TRIP6: variants seen among roughly 807,000 people sequenced by gnomAD.
TRIP6 encodes the protein thyroid receptor-interacting protein 6.
TRIP6 carries 33 observed loss-of-function variants against 51.9 expected under a neutral mutation model. The observed-to-expected ratio is 0.64, with a 90% CI of 0.48 to 0.85. TRIP6 has a LOEUF of 0.85. TRIP6 is among the 40% of genes least tolerant of loss of function. The probability of loss-of-function intolerance (pLI) is 0.00; values close to 1 mark genes in which losing one functional copy is unlikely to be tolerated. For missense variants in TRIP6, 661 were observed against 652.1 expected (o/e 1.01, Z -0.15); for synonymous variants, 255 against 275.8 (o/e 0.92, Z 0.75).
chr7:100,869,355 G>C (rs912493808), intron 4 of TRIP6, among the ~76,000 whole-genome samples: 1 of 151,380 alleles, frequency 6.6e-6, no homozygotes, highest in Non-Finnish European at 1.5e-5. Context: ...CATTGGGGCT[G>C]AGCGCGGTGG....
At chr7:100,873,049 C>T (rs550100207) in intron 8 of TRIP6, 123 bp from the exon 9 acceptor site, 81 of 1,362,324 alleles carry the variant, frequency 5.9e-5, no homozygotes, top group Non-Finnish European at 7.5e-5. Flanking sequence ...CAGGGTTTCA[C>T]CATATTGGCC....
rs1197161887 is a variant in TRIP6 at position 100,868,786 on chromosome 7, C to G, written c.655C>G (p.Pro219Ala). Residue 219 changes from proline to alanine, a missense_variant, in exon 4 of 9, where the codon CCA (proline) becomes GCA (alanine). Pro to Ala is a conservative substitution (Grantham distance 27, BLOSUM62 -1). Transcript: ENST00000200457. The stretch of plus-strand genomic sequence containing the variant: ...GCCTGGCTATAGGAGCCAGAGAGAG[C>G]CAGGGCCAGGGGCCAAAGAGGAAGC... ...WGPGYRSQRE[P>A]GPGAKEEAAG... is the part of the protein sequence containing the mutation. 1.3e-6 allele frequency: 2 copies of G among 1,526,728 alleles called. No individual in the cohort carries two copies. The highest frequency in any genetic ancestry group is 1.8e-6 in the Non-Finnish European group (2 of 1,141,854). The allele number at this position is 1,526,728 out of a possible 1,614,324, so 94.6% of individuals were successfully genotyped here.
rs780875256 is a variant in TRIP6 at position 100,870,413 on chromosome 7, C to T, written c.779C>T (p.Thr260Met). ...CCAGAGGATGAGCTGGATAGGCTGA[C>T]GAAGAAGCTGGTTCACGACATGAAC... Reference protein sequence around the residue: ...QPPEDELDRLTKKLVHDMNHP... With the variant: ...QPPEDELDRLMKKLVHDMNHP... The change falls in exon 5 of 9, where the codon ACG becomes ATG. Residue 260 changes from threonine (T) to methionine (M), a missense_variant. Thr to Met is a moderately conservative substitution (Grantham distance 81, BLOSUM62 -1). Coordinates refer to ENST00000200457, the MANE Select transcript of TRIP6 (RefSeq NM_003302.3). 25 of 1,612,684 alleles carry T rather than the reference C, an allele frequency of 1.6e-5. No homozygotes were observed. Among genetic ancestry groups the T allele is most frequent in the South Asian group, 1.2e-4 (11 of 91,010 alleles).
Position 100,873,423 on chromosome 7 carries a change from A to C in TRIP6, c.*120A>C. On this transcript the variant is annotated 3_prime_UTR_variant, in exon 9 of 9. Coordinates refer to ENST00000200457, the MANE Select transcript of TRIP6 (RefSeq NM_003302.3). ...AATGCTGTCTTCTCTTTCTCCAATC[A>C]AGAAATAATAATCCCTCGAGTTTAC... 1 of 1,386,724 alleles carries C rather than the reference A, an allele frequency of 7.2e-7. No homozygotes were observed. Among genetic ancestry groups the C allele is most frequent in the African/African-American group, 1.4e-5 (1 of 69,348 alleles). The allele number at this position is 1,386,724 out of a possible 1,614,324, so 85.9% of individuals were successfully genotyped here. A position where few individuals can be genotyped will look rare whatever the true frequency, so the allele number is the denominator to read the frequency against.
Position 100,867,816 on chromosome 7 carries a change from C to G in TRIP6, c.110-45C>G. On this transcript the variant is annotated intron_variant, in intron 1 of 8. Coordinates refer to ENST00000200457, the MANE Select transcript of TRIP6 (RefSeq NM_003302.3). The surrounding 1 kb of genome is among the most constrained non-coding windows in gnomAD (Gnocchi z 5.4). ...GTGGCTCCTCAAATATACACCCCTC[C>G]TGTCCTCCGCCACCCCACCTTTGAT... 1.3e-6 allele frequency: 2 copies of G among 1,531,458 alleles called. No homozygotes were observed. Among genetic ancestry groups the G allele is most frequent in the Non-Finnish European group, 1.7e-6 (2 of 1,147,764 alleles). The allele number at this position is 1,531,458 out of a possible 1,614,324, so 94.9% of individuals were successfully genotyped here. A position where few individuals can be genotyped will look rare whatever the true frequency, so the allele number is the denominator to read the frequency against.
At chr7:100,869,011 C>G in intron 4 of TRIP6, 145 bp downstream of exon 4, 2 of 1,104,224 alleles carry the variant, frequency 1.8e-6, no homozygotes, top group South Asian at 3.0e-5. Context: ...GCAGTGGTGC[C>G]ATCTTGGCTC....
rs139186405 is a variant in TRIP6, at chr7:100,872,324, C to T, written c.1179-300C>T. Among the ~76,000 whole-genome samples the T allele has an allele frequency of 2.6e-4, 39 of 152,072 alleles. No individual in the cohort carries two copies. The East Asian group carries it at 7.4e-3, about 29-fold the overall frequency. ...CAGGGATAGCAGGCGTAAGCCACTG[C>T]ACCCAGTCTTCTTCTTTGTATTTTA... On this transcript the variant is annotated intron_variant, in intron 7 of 8. Coordinates refer to ENST00000200457, the MANE Select transcript of TRIP6 (RefSeq NM_003302.3).
intron 4 of TRIP6, 45 bp from the exon 5 acceptor site, chr7:100,870,325 G>A (rs1815240855): frequency 1.9e-6 from 3 of 1,562,934 alleles, no homozygotes; most frequent in Non-Finnish European, 2.6e-6. Context: ...TGGTATTACA[G>A]CATCAGGAGC....
chr7:100,872,581 A>G, intron 7 of TRIP6, 43 bp from the exon 8 acceptor site: 1 of 1,610,878 alleles, frequency 6.2e-7, no homozygotes. Context: ...GGTGCCCTGC[A>G]ACCCCAAGGC....
Position 100,867,720 on chromosome 7 carries a change from C to A in TRIP6, c.109+114C>A. On this transcript the variant is annotated intron_variant, in intron 1 of 8. Coordinates refer to ENST00000200457, the MANE Select transcript of TRIP6 (RefSeq NM_003302.3). This position sits in a 1 kb window ranked among gnomAD's most constrained non-coding sequence, Gnocchi z 5.4. ...CTCCTGCCCCTTCCCCAAGCCGAGG[C>A]GGGGGGAACAGCCGCCTGCGCTCTC... 2 of 1,519,688 alleles carry A rather than the reference C, an allele frequency of 1.3e-6. No homozygotes were observed. Among genetic ancestry groups the A allele is most frequent in the South Asian group, 2.5e-5 (2 of 79,992 alleles). 94.1% of individuals were successfully genotyped at this position (1,519,688 alleles called of 1,614,324 possible).
Position 100,867,528 on chromosome 7 carries a change from C to T in TRIP6, c.31C>T (p.Gln11Ter). 6.6e-7 allele frequency: 1 copy of T among 1,516,284 alleles called. No homozygotes were observed. Among genetic ancestry groups the T allele is most frequent in the African/African-American group, 1.4e-5 (1 of 71,272 alleles). The allele number at this position is 1,516,284 out of a possible 1,614,324, so 93.9% of individuals were successfully genotyped here. The part of the protein sequence containing the change: MSGPTWLPPK[Q>*]PEPARAPQGR... ...GGGGCCCACCTGGCTGCCCCCGAAG[C>T]AGCCGGAGCCCGCCAGAGCCCCTCA... The change falls in exon 1 of 9, where the codon CAG becomes TAG. Residue 11 changes from glutamine to a stop codon, truncating the protein, a stop_gained. Coordinates refer to ENST00000200457, the MANE Select transcript of TRIP6 (RefSeq NM_003302.3). LOFTEE classifies it high-confidence loss of function. This position sits in a 1 kb window ranked among gnomAD's most constrained non-coding sequence, Gnocchi z 5.4.
chr7:100,873,079 G>A, intron 8 of TRIP6, 93 bp from the exon 9 acceptor site: 1 of 1,515,540 alleles, frequency 6.6e-7, no homozygotes, highest in South Asian at 1.2e-5. Flanking sequence ...TTGAACTCCT[G>A]ACCTTGTGAT....
At chr7:100,872,550 C>A (rs1815295969) in intron 7 of TRIP6, 74 bp from the exon 8 acceptor site, 1 of 1,590,426 alleles carries the variant, frequency 6.3e-7, no homozygotes, top group South Asian at 1.1e-5. Flanking sequence ...CTGTGCCCCA[C>A]CTTCTCTGGG....
At chr7:100,870,888 T>G (rs1815255089) in intron 6 of TRIP6, 145 bp downstream of exon 6, 1 of 1,142,574 alleles carries the variant, frequency 8.8e-7, no homozygotes, top group Non-Finnish European at 1.2e-6. Flanking sequence ...AGGGCGGAAT[T>G]CTGCAAGTAT....
intron 4 of TRIP6, 50 bp from the exon 5 acceptor site, chr7:100,870,320 T>C: frequency 6.4e-7 from 1 of 1,569,636 alleles, no homozygotes; most frequent in East Asian, 2.4e-5. Flanking sequence ...GGCCCTGGTA[T>C]TACAGCATCA....
In TRIP6 at chr7:100,871,660, G is replaced by A. The variant is rs762238306; in HGVS notation, c.1117G>A (p.Asp373Asn). 16 of 1,613,910 alleles carry A rather than the reference G, an allele frequency of 9.9e-6. No individual in the cohort carries two copies. The Middle Eastern group carries it at 4.9e-4, about 50-fold the overall frequency. ...FTCVVCHRGL[D>N]GIPFTVDATS... is the part of the protein sequence containing the mutation. The stretch of plus-strand genomic sequence containing the variant: ...CTGCGTGGTGTGTCACCGCGGCCTC[G>A]ACGGCATCCCCTTCACAGTGGATGC... Residue 373 changes from aspartate (D) to asparagine (N), a missense_variant, in exon 7 of 9, where the codon GAC (aspartate) becomes AAC (asparagine). Physicochemically the swap from Asp to Asn is conservative, Grantham distance 23 (BLOSUM62 1). Transcript: ENST00000200457.
In TRIP6 at chr7:100,873,226, G is replaced by C; in HGVS notation, c.1354G>C (p.Asp452His). 1 of 1,613,878 alleles carries C rather than the reference G, an allele frequency of 6.2e-7. No homozygotes were observed. The highest frequency in any genetic ancestry group is 8.5e-7 in the Non-Finnish European group (1 of 1,179,876). The change falls in exon 9 of 9, where the codon GAT becomes CAT. Residue 452 changes from aspartate (D) to histidine (H), a missense_variant. Asp to His is a moderately conservative substitution (Grantham distance 81). Transcript: ENST00000200457. ...EGECQGCYPLDGHILCKACSA... is the reference protein window; with the variant it reads ...EGECQGCYPLHGHILCKACSA... ...CGAGTGTCAGGGCTGCTACCCGCTGGATGGGCACATCTTGTGCAAGGCCTG... is the reference window on the plus strand; with the variant it reads ...CGAGTGTCAGGGCTGCTACCCGCTGCATGGGCACATCTTGTGCAAGGCCTG...
intron 4 of TRIP6, 87 bp downstream of exon 4, chr7:100,868,953 T>G: frequency 7.2e-7 from 1 of 1,391,462 alleles, no homozygotes; most frequent in Non-Finnish European, 9.3e-7. Context: ...TAGGGGGCTT[T>G]TTTGTTTTTT....
chr7:100,870,277 C>T (rs966188305), intron 4 of TRIP6, 93 bp from the exon 5 acceptor site: 2 of 1,285,188 alleles, frequency 1.6e-6, no homozygotes, highest in African/African-American at 1.5e-5. Context: ...CTGTGTGGCC[C>T]AGTTCCTAAC....
Sources: allele counts gnomAD v4.1 joint callset (sites outside exome capture counted in the v4.1 genomes callset), GRCh38; gene constraint gnomAD v4.1.1; non-coding constraint Gnocchi (gnomAD v3.1); transcripts MANE v1.5; gene names NCBI Gene and HGNC (gene_info 2026-07-23, HGNC 2026-07-21).